Variants in TCERG1L observed in about 807,000 individuals in gnomAD.
TCERG1L encodes transcription elongation regulator 1-like protein.
A neutral mutation model predicts 56.3 loss-of-function variants in TCERG1L; 37 were observed. That is an observed-to-expected ratio of 0.66 (90% CI 0.51 to 0.87). The LOEUF (loss-of-function observed/expected upper bound fraction) is 0.87, where lower values mean the gene tolerates loss of function less well. TCERG1L is among the 40% of genes least tolerant of loss of function. TCERG1L has a pLI of 0.00. For missense variants in TCERG1L, 799 were observed against 774.2 expected, an observed-to-expected ratio of 1.03 and a Z score of -0.38; for synonymous variants, 324 against 326.3, an observed-to-expected ratio of 0.99 and a Z score of 0.08.
intron 4 of TCERG1L, among the ~76,000 whole-genome samples, chr10:131,249,062 A>C (rs946568550): frequency 6.6e-6 from 1 of 152,146 alleles, no homozygotes; most frequent in African/African-American, 2.4e-5. Flanking sequence ...GTTCCCTCTC[A>C]CGCTCACTTG....
At chr10:131,141,923 C>A (rs1845742946) in intron 7 of TCERG1L, among the ~76,000 whole-genome samples, 1 of 152,122 alleles carries the variant, frequency 6.6e-6, no homozygotes, top group African/African-American at 2.4e-5. Flanking sequence ...AGCTCCCGCA[C>A]ATCCCAGCTC....
chr10:131,236,030 A>T (rs750181892), intron 4 of TCERG1L, among the ~76,000 whole-genome samples: 1 of 152,234 alleles, frequency 6.6e-6, no homozygotes, highest in South Asian at 2.1e-4. Flanking sequence ...ATTACATTAC[A>T]TTTAGGCTCA....
intron 4 of TCERG1L, among the ~76,000 whole-genome samples, chr10:131,207,449 C>A (rs1044175808): frequency 6.6e-6 from 1 of 152,186 alleles, no homozygotes; most frequent in Non-Finnish European, 1.5e-5. Flanking sequence ...GGTGACACAG[C>A]GGCTCCAACA....
chr10:131,303,539 T>C (rs1477177180), intron 3 of TCERG1L, among the ~76,000 whole-genome samples: 1 of 152,132 alleles, frequency 6.6e-6, no homozygotes, highest in Non-Finnish European at 1.5e-5. Flanking sequence ...CCTTGTCAGA[T>C]GGATAGATTG....
At chr10:131,254,331 G>T (rs576345653) in intron 4 of TCERG1L, among the ~76,000 whole-genome samples, 39 of 127,924 alleles carry the variant, frequency 3.0e-4, no homozygotes, top group East Asian at 7.0e-4. Flanking sequence ...AGTAAGTATT[G>T]ATTTATTTAT....
chr10:131,194,894 T>C (rs1435569626), intron 4 of TCERG1L, among the ~76,000 whole-genome samples: 5 of 152,226 alleles, frequency 3.3e-5, no homozygotes, highest in African/African-American at 7.2e-5. Context: ...TGCCTGTATA[T>C]ACACACATGC....
chr10:131,119,556 A>G (rs1406285739), intron 8 of TCERG1L, among the ~76,000 whole-genome samples: 1 of 152,236 alleles, frequency 6.6e-6, no homozygotes, highest in Non-Finnish European at 1.5e-5. Flanking sequence ...GAACAGGCGC[A>G]TTCTGACTGC....
At chr10:131,218,477 G>A (rs1205273514) in intron 4 of TCERG1L, among the ~76,000 whole-genome samples, 2 of 149,270 alleles carry the variant, frequency 1.3e-5, no homozygotes, top group Non-Finnish European at 3.0e-5. Context: ...TCGCTTCTGC[G>A]ATCCTTTTTT....
chr10:131,256,992 G>GGAAGGAAGGAAGGAAGGAAGGAAA (rs1846173015), intron 4 of TCERG1L, among the ~76,000 whole-genome samples: 3 of 59,200 alleles, frequency 5.1e-5, no homozygotes, highest in Non-Finnish European at 7.6e-5. Context: ...AAGGAAGGAA[G>GGAAGGAAGGAAGGAAGGAAGGAAA]GAAAGAAAGA....
intron 4 of TCERG1L, among the ~76,000 whole-genome samples, chr10:131,172,200 A>G (rs1254410012): frequency 2.0e-5 from 3 of 152,192 alleles, no homozygotes; most frequent in African/African-American, 7.2e-5. Context: ...GGCTGTAAGA[A>G]CATGCGTCTT....
Position 131,290,159 on chromosome 10 carries a change from T to G in TCERG1L, c.670+18052A>C, listed in dbSNP as rs1201699166. On this transcript the variant is annotated intron_variant, in intron 3 of 11. Coordinates refer to ENST00000368642, the MANE Select transcript of TCERG1L (RefSeq NM_174937.4). The stretch of plus-strand genomic sequence containing the variant: ...GTGCACTGCCTCCATCTCCTATCGG[T>G]GTGTGTGTGTGTATGTGTGCACTGC... Among the ~76,000 whole-genome samples, 11 of 39,488 alleles carry G rather than the reference T, an allele frequency of 2.8e-4. 3 individuals carry two copies. The highest frequency in any genetic ancestry group is 4.2e-4 in the Non-Finnish European group (7 of 16,850). The allele number at this position is 39,488 out of a possible 152,430, so 25.9% of individuals were successfully genotyped here. A position where few individuals can be genotyped will look rare whatever the true frequency, so the allele number is the denominator to read the frequency against.
intron 7 of TCERG1L, among the ~76,000 whole-genome samples, chr10:131,142,930 T>C (rs77405515): frequency 0.05 from 7,568 of 152,046 alleles, 274 homozygotes; most frequent in South Asian, 0.22. Context: ...GGTGGCCCCA[T>C]AGACCACAGG....
rs536580743 is a variant in TCERG1L at position 131,206,357 on chromosome 10, G to A, written c.857-39472C>T. Among the ~76,000 whole-genome samples, 56 of 152,264 alleles carry A rather than the reference G, an allele frequency of 3.7e-4. No homozygotes were observed. In the South Asian group the frequency reaches 6.4e-3, roughly 17 times the overall value. On this transcript the variant is annotated intron_variant, in intron 4 of 11. Transcript: ENST00000368642. ...GGGTCCTGGAGTGAAGACCGGTGTG[G>A]GAGCTCTGCCCAGGCCTCCCAGGCC...
intron 4 of TCERG1L, among the ~76,000 whole-genome samples, chr10:131,169,568 T>C (rs910530758): frequency 2.6e-5 from 4 of 152,214 alleles, no homozygotes; most frequent in African/African-American, 9.7e-5. Context: ...TACCTAAGAA[T>C]GAGCCAAAAG....
intron 9 of TCERG1L, among the ~76,000 whole-genome samples, chr10:131,107,924 C>T (rs888123572): frequency 1.3e-5 from 2 of 151,484 alleles, no homozygotes; most frequent in Non-Finnish European, 2.9e-5. Context: ...CACAAAGATG[C>T]ACACATTGAT....
intron 3 of TCERG1L, among the ~76,000 whole-genome samples, chr10:131,274,844 CCCAT>C (rs1835381802): frequency 6.6e-6 from 1 of 152,176 alleles, no homozygotes; most frequent in Non-Finnish European, 1.5e-5. Context: ...TGGAAATGGC[CCCAT>C]CCAGTCTGCC....
At chr10:131,239,069 G>C (rs1350516654) in intron 4 of TCERG1L, among the ~76,000 whole-genome samples, 1 of 152,214 alleles carries the variant, frequency 6.6e-6, no homozygotes, top group East Asian at 1.9e-4. Flanking sequence ...GCCGAGTGCT[G>C]TTCCCAAGAG....
At chr10:131,233,530 T>C (rs974108266) in intron 4 of TCERG1L, among the ~76,000 whole-genome samples, 13 of 152,058 alleles carry the variant, frequency 8.5e-5, no homozygotes, top group African/African-American at 2.9e-4. Flanking sequence ...TGATGATGCA[T>C]TGCGGCTTTT....
intron 4 of TCERG1L, among the ~76,000 whole-genome samples, chr10:131,174,621 A>G (rs945094323): frequency 6.6e-6 from 1 of 152,180 alleles, no homozygotes; most frequent in Non-Finnish European, 1.5e-5. Context: ...ATTTTCATAT[A>G]AACAGCAAAT....
Sources: allele counts gnomAD v4.1 joint callset (sites outside exome capture counted in the v4.1 genomes callset), GRCh38; gene constraint gnomAD v4.1.1; transcripts MANE v1.5; gene names NCBI Gene and HGNC (gene_info 2026-07-23, HGNC 2026-07-21).